Variants in RLBP1 observed in about 807,000 individuals in gnomAD.
RLBP1 encodes retinaldehyde binding protein 1.
Under a neutral mutation model 36.2 loss-of-function variants are expected in RLBP1, and 26 were observed. That is an observed-to-expected ratio of 0.72 (90% confidence interval 0.53 to 1.00). The LOEUF is 1.00. RLBP1 is among the 50% of genes least tolerant of loss of function. The probability of loss-of-function intolerance (pLI) is 0.00; values close to 1 mark genes in which losing one functional copy is unlikely to be tolerated. For synonymous variants in RLBP1, 155 were observed against 156.2 expected, an observed-to-expected ratio of 0.99 and a Z score of 0.06; for missense variants, 410 against 402.4, an observed-to-expected ratio of 1.02 and a Z score of -0.16.
intron 6 of RLBP1, among the ~76,000 whole-genome samples, chr15:89,212,233 A>T (rs1338448204): frequency 6.6e-6 from 1 of 152,216 alleles, no homozygotes; most frequent in African/African-American, 2.4e-5. Flanking sequence ...GAAGACTAAT[A>T]ATACAGGAAA....
At chr15:89,216,044 C>T (rs1224548097) in intron 5 of RLBP1, among the ~76,000 whole-genome samples, 1 of 152,184 alleles carries the variant, frequency 6.6e-6, no homozygotes, top group Non-Finnish European at 1.5e-5. Context: ...TATTCCTTAC[C>T]ATTATTTAAC....
chr15:89,217,237 C>A lies in RLBP1; in HGVS notation c.229G>T (p.Gly77Trp), dbSNP rs755885208. 6.2e-7 allele frequency: 1 copy of A among 1,612,414 alleles called. No individual in the cohort carries two copies. Among genetic ancestry groups the A allele is most frequent in the East Asian group, 2.2e-5 (1 of 44,882 alleles). Residue 77 changes from glycine (G) to tryptophan (W), a missense_variant, in exon 5 of 9, where the codon GGG (glycine) becomes TGG (tryptophan). Coordinates refer to ENST00000268125, the MANE Select transcript of RLBP1 (RefSeq NM_000326.5). ...QEMVQAQAAS[G>W]EELAVAVAER... ...GCCACGGCCACCGCCAGCTCCTCCC[C>A]CGAGGCCGCCTGCGCCTGCACCATC...
chr15:89,220,385 A>G (rs117021650), intron 1 of RLBP1, among the ~76,000 whole-genome samples: 2,880 of 152,236 alleles, frequency 0.019, 43 homozygotes, highest in Non-Finnish European at 0.028. Flanking sequence ...AAAACCATAT[A>G]ATTTCTGCAA....
chr15:89,219,928 G>C (rs908771945), intron 1 of RLBP1, 69 bp from the exon 2 acceptor site: 1 of 152,232 alleles, frequency 6.6e-6, no homozygotes, highest in African/African-American at 2.4e-5. Flanking sequence ...ACCAGAACAG[G>C]TCCCATTCAT....
At chr15:89,213,564 G>T (rs992023031) in intron 6 of RLBP1, among the ~76,000 whole-genome samples, 15 of 152,170 alleles carry the variant, frequency 9.9e-5, no homozygotes, top group African/African-American at 3.1e-4. Context: ...AATGAAAAAT[G>T]TGCACAACGT....
chr15:89,217,309 T>G lies in RLBP1; in HGVS notation c.157A>C (p.Asn53His). Residue 53 changes from asparagine to histidine, a missense_variant, in exon 5 of 9, where the codon AAC becomes CAC. Transcript: ENST00000268125. ...HTLQKAKDELNEREETREEAV... is the reference protein window; with the variant it reads ...HTLQKAKDELHEREETREEAV... ...TCCTCCCGGGTCTCCTCTCTCTCGTTCAGCTCATCCTTGGCCTAGAACAGG... is the reference window on the plus strand; with the variant it reads ...TCCTCCCGGGTCTCCTCTCTCTCGTGCAGCTCATCCTTGGCCTAGAACAGG... 1 of 1,606,216 alleles carries G rather than the reference T, an allele frequency of 6.2e-7. No homozygotes were observed. The highest frequency in any genetic ancestry group is 1.7e-5 in the Admixed American group (1 of 60,026).
chr15:89,212,755 G>A lies in RLBP1; in HGVS notation c.526-854C>T, dbSNP rs913075564. On this transcript the variant is annotated intron_variant, in intron 6 of 8. Coordinates refer to ENST00000268125, the MANE Select transcript of RLBP1 (RefSeq NM_000326.5). Reference sequence around the variant, plus strand: ...TCTGTAATTTTTTTTTTGAGATGGAGTCTTGCTCTGTCACCCAGGCTGGAG... The same window carrying A: ...TCTGTAATTTTTTTTTTGAGATGGAATCTTGCTCTGTCACCCAGGCTGGAG... Among the ~76,000 whole-genome samples the A allele has an allele frequency of 6.0e-5, 9 of 151,212 alleles. 1 individual carries two copies. Among genetic ancestry groups the A allele is most frequent in the Non-Finnish European group, 8.8e-5 (6 of 67,862 alleles).
Position 89,214,333 on chromosome 15 carries a change from C to T in RLBP1, c.525+727G>A, listed in dbSNP as rs370510343. Among the ~76,000 whole-genome samples, 12 of 152,106 alleles carry T rather than the reference C, an allele frequency of 7.9e-5. No homozygotes were observed. The highest frequency in any genetic ancestry group is 2.0e-4 in the Admixed American group (3 of 15,278). On this transcript the variant is annotated intron_variant, in intron 6 of 8. Transcript: ENST00000268125. The surrounding 1 kb of genome is among the most constrained non-coding windows in gnomAD (Gnocchi z 4.6). ...AACATTAGCTGGGCATGGTGGCGTGCGTCTGTAATCCCAGCTACTTGGAAG... is the reference window on the plus strand; with the variant it reads ...AACATTAGCTGGGCATGGTGGCGTGTGTCTGTAATCCCAGCTACTTGGAAG...
Position 89,210,866 on chromosome 15 carries a change from C to A in RLBP1, c.685-57G>T. ...TGGCCCCAGTGACCTCAGAGGCTCC[C>A]ACTCATTCCCTGCTGCCTCTCCTCA... On this transcript the variant is annotated intron_variant, in intron 7 of 8. Coordinates refer to ENST00000268125, the MANE Select transcript of RLBP1 (RefSeq NM_000326.5). The surrounding 1 kb of genome is among the most constrained non-coding windows in gnomAD (Gnocchi z 4.7). 8.6e-7 allele frequency: 1 copy of A among 1,160,308 alleles called. No homozygotes were observed. The highest frequency in any genetic ancestry group is 1.3e-5 in the South Asian group (1 of 75,918). The allele number at this position is 1,160,308 out of a possible 1,614,324, so 71.9% of individuals were successfully genotyped here. A position where few individuals can be genotyped will look rare whatever the true frequency, so the allele number is the denominator to read the frequency against.
rs1289806402 is a variant in RLBP1, at chr15:89,214,448, C to A, written c.525+612G>T. 1.3e-5 allele frequency among the ~76,000 whole-genome samples: 2 copies of A among 151,964 alleles called. No homozygotes were observed. The highest frequency in any genetic ancestry group is 2.9e-5 in the Non-Finnish European group (2 of 68,008). ...TGCACTCCAGCCTGGGTGACCAGAG[C>A]GAGACTCCATCTCAAAAATAAATAA... is the stretch of plus-strand genomic sequence containing the variant. On this transcript the variant is annotated intron_variant, in intron 6 of 8. Transcript: ENST00000268125. The surrounding 1 kb of genome is among the most constrained non-coding windows in gnomAD (Gnocchi z 4.6).
Position 89,218,769 on chromosome 15 carries a change from C to T in RLBP1, c.13-76G>A, listed in dbSNP as rs1567124562. The T allele has an allele frequency of 6.2e-7, 1 of 1,605,126 alleles. No individual in the cohort carries two copies. Among genetic ancestry groups the T allele is most frequent in the Admixed American group, 1.7e-5 (1 of 59,532 alleles). ...AGCCAGGGAAATGGGCCTGCTCAGACCTTCAGTTCTTTTGCCCAAGGTCAT... is the reference window on the plus strand; with the variant it reads ...AGCCAGGGAAATGGGCCTGCTCAGATCTTCAGTTCTTTTGCCCAAGGTCAT... On this transcript the variant is annotated intron_variant, in intron 3 of 8. Transcript: ENST00000268125. This position sits in a 1 kb window ranked among gnomAD's most constrained non-coding sequence, Gnocchi z 4.6.
At position 89,217,163 on chromosome 15, in the gene RLBP1, G is replaced by A. The variant is rs144254383; in HGVS notation, c.303C>T (p.Arg101=). 1,910 of 1,614,076 alleles carry A rather than the reference G, an allele frequency of 1.2e-3. No homozygotes were observed. The highest frequency in any genetic ancestry group is 1.5e-3 in the Non-Finnish European group (1,809 of 1,180,026). The change falls in exon 5 of 9, where the codon CGC becomes CGT. Residue 101 remains arginine, a synonymous_variant. Transcript: ENST00000268125. ...KDSGFFLRFI[R]ARKFNVGRAY... ...CACGGCCCACGTTGAACTTCCGTGC[G>A]CGGATGAAGCGCAGGAAGAAGCCGC...
In RLBP1 at chr15:89,218,996, A is replaced by G. The variant is rs754430901; in HGVS notation, c.-21T>C. 4 of 1,614,124 alleles carry G rather than the reference A, an allele frequency of 2.5e-6. No individual in the cohort carries two copies. In the Admixed American group the frequency reaches 6.7e-5, roughly 27 times the overall value. On this transcript the variant is annotated 5_prime_UTR_variant, in exon 3 of 9. Coordinates refer to ENST00000268125, the MANE Select transcript of RLBP1 (RefSeq NM_000326.5). The surrounding 1 kb of genome is among the most constrained non-coding windows in gnomAD (Gnocchi z 4.6). Reference sequence around the variant, plus strand: ...GACATGTTGCCTATGGAAGACACAGAGTCCTTGGAAAAAGAAGGGATCTGC... The same window carrying G: ...GACATGTTGCCTATGGAAGACACAGGGTCCTTGGAAAAAGAAGGGATCTGC...
At chr15:89,217,424 G>C in intron 4 of RLBP1, 100 bp from the exon 5 acceptor site, 1 of 1,223,662 alleles carries the variant, frequency 8.2e-7, no homozygotes, top group Non-Finnish European at 1.2e-6. Flanking sequence ...CCAGCCAAGG[G>C]GGCCCAGGGG....
chr15:89,217,325 C>T lies in RLBP1; in HGVS notation c.142-1G>A. 1 of 1,604,162 alleles carries T rather than the reference C, an allele frequency of 6.2e-7. No homozygotes were observed. Among genetic ancestry groups the T allele is most frequent in the Non-Finnish European group, 8.5e-7 (1 of 1,179,952 alleles). ...CTCTCTCGTTCAGCTCATCCTTGGC[C>T]TAGAACAGGGTGGGGTGTGCATGAA... On this transcript the variant is annotated splice_acceptor_variant, in intron 4 of 8. Coordinates refer to ENST00000268125, the MANE Select transcript of RLBP1 (RefSeq NM_000326.5). LOFTEE classifies it high-confidence loss of function.
Position 89,214,994 on chromosome 15 carries a change from G to T in RLBP1, c.525+66C>A. 1 of 1,540,644 alleles carries T rather than the reference G, an allele frequency of 6.5e-7. No homozygotes were observed. The highest frequency in any genetic ancestry group is 9.0e-7 in the Non-Finnish European group (1 of 1,113,898). ...CTGGAGAACCAGGAATGAGGGCCCA[G>T]TAGAGGCCAGGGTTGAGGGAGGGAA... On this transcript the variant is annotated intron_variant, in intron 6 of 8. Transcript: ENST00000268125. This position sits in a 1 kb window ranked among gnomAD's most constrained non-coding sequence, Gnocchi z 4.6.
chr15:89,216,764 C>T (rs973470799), intron 5 of RLBP1, among the ~76,000 whole-genome samples: 1 of 152,196 alleles, frequency 6.6e-6, no homozygotes, highest in African/African-American at 2.4e-5. Flanking sequence ...AGGCACTATC[C>T]ACCTTCCTGC....
intron 6 of RLBP1, among the ~76,000 whole-genome samples, chr15:89,213,983 A>G (rs187962036): frequency 1.3e-3 from 203 of 152,314 alleles, no homozygotes; most frequent in Middle Eastern, 6.8e-3. Flanking sequence ...CAAAATCTCT[A>G]TCATCGAAAC....
In RLBP1 at chr15:89,217,188, C is replaced by T. The variant is rs748652735; in HGVS notation, c.278G>A (p.Ser93Asn). The T allele has an allele frequency of 1.2e-6, 2 of 1,614,020 alleles. No homozygotes were observed. Among genetic ancestry groups the T allele is most frequent in the Non-Finnish European group, 1.7e-6 (2 of 1,180,042 alleles). The change falls in exon 5 of 9, where the codon AGC (serine) becomes AAC (asparagine). Residue 93 changes from serine (S) to asparagine (N), a missense_variant. Ser to Asn is a conservative substitution (Grantham distance 46). Coordinates refer to ENST00000268125, the MANE Select transcript of RLBP1 (RefSeq NM_000326.5). ...AVAERVQEKD[S>N]GFFLRFIRAR... ...GCGGATGAAGCGCAGGAAGAAGCCG[C>T]TGTCCTTCTCTTGCACCCTCTCCGC...
Sources: gnomAD v4.1 joint callset for allele counts (sites outside exome capture counted in the v4.1 genomes callset) on GRCh38, gnomAD v4.1.1 for gene constraint, Gnocchi (gnomAD v3.1) non-coding constraint, MANE v1.5 for transcripts, NCBI Gene and HGNC (gene_info 2026-07-23, HGNC 2026-07-21) for gene names.